Variants in ACTR10 observed in about 807,000 individuals in gnomAD.
ACTR10 encodes the protein actin-related protein 10.
In ACTR10, 43 loss-of-function variants were observed where a neutral mutation model predicts 56.2. The observed-to-expected ratio is 0.77, with a 90% confidence interval of 0.60 to 0.99. ACTR10 has a LOEUF of 0.99. ACTR10 is among the 50% of genes least tolerant of loss of function. The pLI is 0.00. For synonymous variants in ACTR10, 170 were observed against 176.3 expected, an observed-to-expected ratio of 0.96 and a Z score of 0.28; for missense variants, 466 against 507.8, an observed-to-expected ratio of 0.92 and a Z score of 0.79.
At chr14:58,223,341 T>C (rs1428867790) in intron 8 of ACTR10, among the ~76,000 whole-genome samples, 1 of 152,230 alleles carries the variant, frequency 6.6e-6, no homozygotes, top group Non-Finnish European at 1.5e-5. Context: ...TGTCGCCCTG[T>C]TGGGCAGGCT....
intron 3 of ACTR10, among the ~76,000 whole-genome samples, chr14:58,208,675 C>T (rs1888922789): frequency 6.6e-6 from 1 of 151,472 alleles, no homozygotes; most frequent in Non-Finnish European, 1.5e-5. Context: ...GGTGAGATTG[C>T]CCCTCTGCAC....
At chr14:58,217,985 T>C (rs1317891705) in intron 7 of ACTR10, among the ~76,000 whole-genome samples, 1 of 152,210 alleles carries the variant, frequency 6.6e-6, no homozygotes, top group African/African-American at 2.4e-5. Flanking sequence ...CTCTTGTTTC[T>C]AGTCTTTACT....
At chr14:58,202,620 A>G (rs530843031) in intron 1 of ACTR10, among the ~76,000 whole-genome samples, 16 of 152,010 alleles carry the variant, frequency 1.1e-4, no homozygotes, top group East Asian at 1.9e-4. Flanking sequence ...AAAATAATAC[A>G]TTTGTTTTTT....
At chr14:58,205,131 G>A (rs965168679) in intron 2 of ACTR10, among the ~76,000 whole-genome samples, 4 of 151,776 alleles carry the variant, frequency 2.6e-5, no homozygotes, top group Admixed American at 6.6e-5. Context: ...TGAGGCAGGA[G>A]AATCACTTGA....
At position 58,200,266 on chromosome 14, in the gene ACTR10, G is replaced by A; in HGVS notation, c.49G>A (p.Val17Met). The change falls in exon 1 of 13, where the codon GTG becomes ATG. Residue 17 changes from valine (V) to methionine (M), a missense_variant. By Grantham distance (21) the Val-to-Met change is conservative (BLOSUM62 1). Transcript: ENST00000254286. ...GAGCGGCGGGGAGAAGACGGCGGTC[G>A]TGATCGACCTGGGAGAGGCCTTTAC... The part of the protein sequence containing the change: ...LGSGGEKTAV[V>M]IDLGEAFTKC... 1 of 1,513,222 alleles carries A rather than the reference G, an allele frequency of 6.6e-7. No homozygotes were observed. Among genetic ancestry groups the A allele is most frequent in the Non-Finnish European group, 8.8e-7 (1 of 1,134,632 alleles). 93.7% of individuals were successfully genotyped at this position (1,513,222 alleles called of 1,614,324 possible).
Position 58,209,017 on chromosome 14 carries a change from C to T in ACTR10, c.252C>T (p.Pro84=), listed in dbSNP as rs760788489. The part of the protein sequence containing the change: ...ILYFRHLLVN[P]RDRRVVIIES... ...TTTTCAGGCATCTATTGGTGAATCC[C>T]AGAGACCGCCGAGTTGTGATTATCG... Residue 84 remains proline (P), a synonymous_variant, in exon 4 of 13, where the codon CCC becomes CCT. Coordinates refer to ENST00000254286, the MANE Select transcript of ACTR10 (RefSeq NM_018477.3). The T allele has an allele frequency of 1.3e-5, 21 of 1,611,400 alleles. No individual in the cohort carries two copies. Among genetic ancestry groups the T allele is most frequent in the Non-Finnish European group, 1.8e-5 (21 of 1,178,732 alleles).
chr14:58,221,836 T>G (rs1248401673), intron 8 of ACTR10, among the ~76,000 whole-genome samples: 2 of 152,102 alleles, frequency 1.3e-5, no homozygotes, highest in African/African-American at 2.4e-5. Flanking sequence ...GAGGATCACT[T>G]GAACCCCAGA....
Position 58,204,013 on chromosome 14 carries a change from A to G in ACTR10, c.150+1086A>G, listed in dbSNP as rs568716383. 2.6e-4 allele frequency among the ~76,000 whole-genome samples: 40 copies of G among 152,234 alleles called. No homozygotes were observed. The South Asian group carries it at 8.1e-3, about 31-fold the overall frequency. ...TAATCAGAGGACTAGCAAAAACAAT[A>G]ATTGATGCCTCCACAAAATTTAAAT... On this transcript the variant is annotated intron_variant, in intron 2 of 12. Transcript: ENST00000254286.
At chr14:58,210,791 C>T (rs1227369605) in intron 4 of ACTR10, among the ~76,000 whole-genome samples, 2 of 151,828 alleles carry the variant, frequency 1.3e-5, no homozygotes, top group Non-Finnish European at 2.9e-5. Flanking sequence ...TCTCCTGCCT[C>T]AGTCTCCCTT....
intron 8 of ACTR10, among the ~76,000 whole-genome samples, chr14:58,221,300 A>AT (rs1402327778): frequency 8.2e-5 from 12 of 145,858 alleles, no homozygotes; most frequent in African/African-American, 2.8e-4. Flanking sequence ...AAAAAAAAAA[A>AT]AAATATATGC....
intron 12 of ACTR10, among the ~76,000 whole-genome samples, chr14:58,233,419 T>C (rs1351621799): frequency 1.3e-5 from 2 of 152,070 alleles, no homozygotes; most frequent in African/African-American, 4.8e-5. Context: ...TTTTGGAGAT[T>C]TGCAACAATT....
chr14:58,230,165 C>G (rs192187054), intron 10 of ACTR10, among the ~76,000 whole-genome samples: 9 of 152,244 alleles, frequency 5.9e-5, no homozygotes, highest in Admixed American at 5.2e-4. Flanking sequence ...GGAATGCCTC[C>G]TATGTGCCAG....
At chr14:58,212,846 C>T (rs559793012) in intron 5 of ACTR10, among the ~76,000 whole-genome samples, 3 of 152,192 alleles carry the variant, frequency 2.0e-5, no homozygotes, top group Admixed American at 6.5e-5. Flanking sequence ...GGCTGGGTGC[C>T]GTGGCTCACA....
chr14:58,231,334 C>T (rs1889528843), intron 11 of ACTR10, among the ~76,000 whole-genome samples: 1 of 150,512 alleles, frequency 6.6e-6, no homozygotes, highest in Non-Finnish European at 1.5e-5. Flanking sequence ...AGGCGTGAGC[C>T]ACCAAACCCA....
In ACTR10 at chr14:58,234,549, T is replaced by C; in HGVS notation, c.1252T>C (p.Ter418GlnextTer4). 1 of 1,601,586 alleles carries C rather than the reference T, an allele frequency of 6.2e-7. No homozygotes were observed. The highest frequency in any genetic ancestry group is 8.5e-7 in the Non-Finnish European group (1 of 1,174,010). ...GAAGAGAGCATTTTCCACTGAGAAA[T>C]AGAAGTTTGATTAAAAATCAACCTT... Reference protein sequence around the residue: ...LMKRAFSTEK* With the variant: ...LMKRAFSTEKQ The change falls in exon 13 of 13, where the codon TAG becomes CAG. Residue 418 changes from the stop codon to glutamine (Q), a stop_lost. Transcript: ENST00000254286.
rs1186419205 is a variant in ACTR10 at position 58,232,081 on chromosome 14, A to G, written c.886A>G (p.Arg296Gly). ...DSLIQCPIDTRKQLAENLVVI... is the reference protein window; with the variant it reads ...DSLIQCPIDTGKQLAENLVVI... Reference sequence around the variant, plus strand: ...TTAATAACAGTGTCCGATAGACACCAGGAAGCAACTAGCAGAGAATTTGGT... The same window carrying G: ...TTAATAACAGTGTCCGATAGACACCGGGAAGCAACTAGCAGAGAATTTGGT... The change falls in exon 12 of 13, where the codon AGG becomes GGG. Residue 296 changes from arginine to glycine, a missense_variant. Transcript: ENST00000254286. The G allele has an allele frequency of 6.2e-7, 1 of 1,613,262 alleles. No individual in the cohort carries two copies. Among genetic ancestry groups the G allele is most frequent in the Non-Finnish European group, 8.5e-7 (1 of 1,179,384 alleles).
In ACTR10 at chr14:58,232,166, G is replaced by C; in HGVS notation, c.971G>C (p.Arg324Thr). Residue 324 changes from arginine (R) to threonine (T), a missense_variant, in exon 12 of 13, where the codon AGG becomes ACG. Transcript: ENST00000254286. ...CTCCACAGATTGCTTGCAGAAATAAGGTATTTGGTAGAAAAACCAAAATAT... is the reference window on the plus strand; with the variant it reads ...CTCCACAGATTGCTTGCAGAAATAACGTATTTGGTAGAAAAACCAAAATAT... ...GFLHRLLAEI[R>T]YLVEKPKYKK... The C allele has an allele frequency of 1.2e-6, 2 of 1,613,598 alleles. No individual in the cohort carries two copies. Among genetic ancestry groups the C allele is most frequent in the Non-Finnish European group, 1.7e-6 (2 of 1,179,844 alleles).
chr14:58,203,718 C>T (rs1888785466), intron 2 of ACTR10, among the ~76,000 whole-genome samples: 1 of 152,090 alleles, frequency 6.6e-6, no homozygotes, highest in Non-Finnish European at 1.5e-5. Flanking sequence ...GTTTCAAAAC[C>T]CAGAGAATTT....
intron 11 of ACTR10, 58 bp from the exon 12 acceptor site, chr14:58,232,004 TTCAA>T: frequency 1.9e-6 from 2 of 1,076,392 alleles, no homozygotes; most frequent in Non-Finnish European, 2.7e-6. Flanking sequence ...TTTTCTTAAG[TTCAA>T]TCAAGCATTA....
Sources: gnomAD v4.1 joint callset for allele counts (sites outside exome capture counted in the v4.1 genomes callset) on GRCh38, gnomAD v4.1.1 for gene constraint, MANE v1.5 for transcripts, NCBI Gene and HGNC (gene_info 2026-07-23, HGNC 2026-07-21) for gene names.